GALNT2: variants seen among roughly 807,000 people sequenced by gnomAD.
GALNT2 encodes UDP-GalNAc:polypeptide N-acetylgalactosaminyltransferase 2.
In GALNT2, 31 loss-of-function variants were observed where a neutral mutation model predicts 81.4. The observed-to-expected ratio is 0.38, with a 90% CI of 0.29 to 0.51. The LOEUF is 0.51. Ranked by LOEUF, GALNT2 falls within the 20% of genes least tolerant of loss-of-function variation. GALNT2 has a pLI of 0.87. For missense variants in GALNT2, 629 were observed against 765.7 expected, an observed-to-expected ratio of 0.82 and a Z score of 2.11; for synonymous variants, 303 against 287.4, an observed-to-expected ratio of 1.05 and a Z score of -0.55.
chr1:230,234,403 G>A (rs6700080), intron 3 of GALNT2, among the ~76,000 whole-genome samples: 2,545 of 152,040 alleles, frequency 0.017, 27 homozygotes, highest in Middle Eastern at 0.031. Flanking sequence ...TATCATTTTC[G>A]GAGCCCCAGC....
intron 1 of GALNT2, among the ~76,000 whole-genome samples, chr1:230,059,788 T>TA (rs1342336746): frequency 1.3e-5 from 2 of 152,238 alleles, no homozygotes; most frequent in Non-Finnish European, 2.9e-5. Context: ...CACTTTTTTT[T>TA]ATCATTCTCT....
intron 1 of GALNT2, among the ~76,000 whole-genome samples, chr1:230,083,253 A>G (rs543574898): frequency 6.6e-5 from 9 of 137,004 alleles, no homozygotes; most frequent in South Asian, 2.4e-4. Context: ...ATGATGGAGC[A>G]GGCAGCCAGG....
chr1:230,201,667 G>A (rs1250637244), intron 2 of GALNT2, among the ~76,000 whole-genome samples: 3 of 152,102 alleles, frequency 2.0e-5, no homozygotes, highest in African/African-American at 4.8e-5. Flanking sequence ...TGTAGCTGCC[G>A]GCAGCCCTGC....
chr1:230,158,603 C>T (rs1251713688), intron 1 of GALNT2, among the ~76,000 whole-genome samples: 2 of 152,180 alleles, frequency 1.3e-5, no homozygotes, highest in Admixed American at 1.3e-4. Context: ...GTCAGGGCCA[C>T]GGAACTGGAG....
rs1660887551 is a variant in GALNT2 at position 230,117,689 on chromosome 1, T to C, written c.126+50283T>C. 3.3e-5 allele frequency among the ~76,000 whole-genome samples: 5 copies of C among 152,218 alleles called. No homozygotes were observed. In the South Asian group the frequency reaches 1.0e-3, roughly 31 times the overall value. ...GTTCATGGTGCTCCAAAATGATTAG[T>C]ATCATCAAAGACCACTGATCACAGA... is the stretch of plus-strand genomic sequence containing the variant. On this transcript the variant is annotated intron_variant, in intron 1 of 15. Transcript: ENST00000366672.
At chr1:230,164,245 C>A (rs144029098) in intron 1 of GALNT2, among the ~76,000 whole-genome samples, 1 of 152,160 alleles carries the variant, frequency 6.6e-6, no homozygotes. Flanking sequence ...GAAGGGCCGT[C>A]GGGCCCATGG....
chr1:230,089,086 C>A (rs769140162), intron 1 of GALNT2, among the ~76,000 whole-genome samples: 6 of 152,082 alleles, frequency 3.9e-5, no homozygotes, highest in Non-Finnish European at 8.8e-5. Flanking sequence ...ACTTTCCCCC[C>A]CGACAGTTTT....
intron 3 of GALNT2, among the ~76,000 whole-genome samples, chr1:230,235,059 A>T (rs576145196): frequency 3.6e-4 from 55 of 150,902 alleles, no homozygotes; most frequent in African/African-American, 1.3e-3. Context: ...TACAAAAAAT[A>T]AAAAAAAATA....
chr1:230,071,282 C>A (rs1659364112), intron 1 of GALNT2, among the ~76,000 whole-genome samples: 1 of 152,124 alleles, frequency 6.6e-6, no homozygotes, highest in Non-Finnish European at 1.5e-5. Context: ...ATCTTAAATG[C>A]TGTTAGAGAC....
chr1:230,277,059 G>T (rs1266030336), intron 15 of GALNT2, among the ~76,000 whole-genome samples: 1 of 152,216 alleles, frequency 6.6e-6, no homozygotes, highest in African/African-American at 2.4e-5. Context: ...TTCTGCTTCA[G>T]TCCCAGTTTT....
At chr1:230,175,625 C>CCCT (rs1662953944) in intron 1 of GALNT2, among the ~76,000 whole-genome samples, 1 of 137,858 alleles carries the variant, frequency 7.3e-6, no homozygotes, top group Non-Finnish European at 1.6e-5. Flanking sequence ...CCTCCCTCTC[C>CCCT]CCTCCTCCTC....
At chr1:230,201,155 T>C (rs1464368233) in intron 2 of GALNT2, among the ~76,000 whole-genome samples, 2 of 152,180 alleles carry the variant, frequency 1.3e-5, no homozygotes, top group African/African-American at 4.8e-5. Flanking sequence ...ACGGAAAACA[T>C]GTTTCCAGTA....
chr1:230,146,844 A>G (rs930542815), intron 1 of GALNT2, among the ~76,000 whole-genome samples: 1 of 151,852 alleles, frequency 6.6e-6, no homozygotes, highest in Non-Finnish European at 1.5e-5. Flanking sequence ...TATGCTGGAA[A>G]CGTGACCTGT....
chr1:230,267,986 G>C (rs1466254098), intron 14 of GALNT2, among the ~76,000 whole-genome samples: 4 of 152,232 alleles, frequency 2.6e-5, no homozygotes, highest in Non-Finnish European at 4.4e-5. Context: ...TCCGCTGGCT[G>C]TGTTCCTTCT....
intron 8 of GALNT2, among the ~76,000 whole-genome samples, chr1:230,247,934 G>A (rs1665424813): frequency 6.6e-6 from 1 of 152,170 alleles, no homozygotes; most frequent in South Asian, 2.1e-4. Context: ...TTCTCTGTTA[G>A]TGAAACAGCC....
chr1:230,128,620 C>CGGGGGT (rs1661268750), intron 1 of GALNT2, among the ~76,000 whole-genome samples: 1 of 17,218 alleles, frequency 5.8e-5, no homozygotes, highest in African/African-American at 2.5e-4. Context: ...GTGTGTGTGG[C>CGGGGGT]GGGGGCGGGG....
intron 1 of GALNT2, among the ~76,000 whole-genome samples, chr1:230,172,666 C>A (rs1322192399): frequency 1.3e-5 from 2 of 152,210 alleles, no homozygotes; most frequent in African/African-American, 4.8e-5. Flanking sequence ...GGCGCCTTTC[C>A]TCCTCCACTC....
At chr1:230,228,569 A>G (rs568263383) in intron 3 of GALNT2, among the ~76,000 whole-genome samples, 50 of 152,276 alleles carry the variant, frequency 3.3e-4, no homozygotes, top group African/African-American at 1.2e-3. Context: ...AGAAAAAAAA[A>G]GAGATTATGG....
rs1441395618 is a variant in GALNT2, at chr1:230,280,468, TCTGTGTGAGCCAGCAATACCG to T, written c.*1014_*1034del. The T allele has an allele frequency of 4.1e-5, 7 of 168,790 alleles. 1 individual carries two copies. Among genetic ancestry groups the T allele is most frequent in the African/African-American group, 1.7e-4 (7 of 42,204 alleles). 10.5% of individuals were successfully genotyped at this position (168,790 alleles called of 1,614,324 possible). ...AGGAATATAAGACATACCCCATAGCTCTGTGTGAGCCAGCAATACCGCTGCCCCCTGGCGACAGGGCAGACC... is the reference window on the plus strand; with the variant it reads ...AGGAATATAAGACATACCCCATAGCTCTGCCCCCTGGCGACAGGGCAGACC... On this transcript the variant is annotated 3_prime_UTR_variant, in exon 16 of 16. Coordinates refer to ENST00000366672, the MANE Select transcript of GALNT2 (RefSeq NM_004481.5).
Sources: gnomAD v4.1 joint callset for allele counts (sites outside exome capture counted in the v4.1 genomes callset) on GRCh38, gnomAD v4.1.1 for gene constraint, MANE v1.5 for transcripts, NCBI Gene and HGNC (gene_info 2026-07-23, HGNC 2026-07-21) for gene names.